Variants in TYW1B observed in about 807,000 individuals in gnomAD.
TYW1B encodes tRNA-yW synthesizing protein 1 homolog B, also known as S-adenosyl-L-methionine-dependent tRNA 4-demethylwyosine synthase TYW1B.
TYW1B carries 73 observed loss-of-function variants against 86.9 expected under a neutral mutation model. The observed-to-expected ratio is 0.84, with a 90% CI of 0.70 to 1.02. The LOEUF (loss-of-function observed/expected upper bound fraction) is 1.02, where lower values mean the gene tolerates loss of function less well. Among genes scored for constraint, TYW1B ranks in the 50% least tolerant of loss-of-function variants. The pLI, the probability that TYW1B is intolerant of heterozygous loss-of-function variation, is 0.00. For missense variants in TYW1B, 637 were observed against 827.4 expected (o/e 0.77, Z 2.82); for synonymous variants, 248 against 292.8 (o/e 0.85, Z 1.56).
At chr7:72,716,098 C>T (rs1342995018) in intron 9 of TYW1B, among the ~76,000 whole-genome samples, 5 of 152,108 alleles carry the variant, frequency 3.3e-5, no homozygotes, top group African/African-American at 4.8e-5. Flanking sequence ...CCACCATGCC[C>T]GGCTAATTTT....
chr7:72,827,217 G>C (rs1788949200), intron 1 of TYW1B, among the ~76,000 whole-genome samples: 1 of 152,098 alleles, frequency 6.6e-6, no homozygotes. Flanking sequence ...AGACCAGCCT[G>C]GCCAACATGG....
intron 5 of TYW1B, among the ~76,000 whole-genome samples, chr7:72,806,374 T>C (rs1269130043): frequency 6.6e-6 from 1 of 151,746 alleles, no homozygotes; most frequent in Non-Finnish European, 1.5e-5. Context: ...TAGCTGGGAT[T>C]ACAGGTGCCC....
chr7:72,690,841 G>A (rs34343442), intron 11 of TYW1B, among the ~76,000 whole-genome samples: 226 of 151,372 alleles, frequency 1.5e-3, no homozygotes, highest in African/African-American at 5.1e-3. Context: ...TCCGCCTCCC[G>A]GGTTGAAGCA....
chr7:72,747,327 C>A (rs2129571401), intron 7 of TYW1B, among the ~76,000 whole-genome samples: 1 of 152,048 alleles, frequency 6.6e-6, no homozygotes, highest in African/African-American at 2.4e-5. Flanking sequence ...TAAAAAGTAC[C>A]TTTTGCCTCC....
rs551443078 is a variant in TYW1B, at chr7:72,815,429, G to A, written c.188C>T (p.Ala63Val). 264 of 1,609,398 alleles carry A rather than the reference G, an allele frequency of 1.6e-4. 1 individual carries two copies. The highest frequency in any genetic ancestry group is 3.3e-4 in the Middle Eastern group (2 of 6,054). ...EAVTSLDLPVAIINLKEYDPD... is the reference protein window; with the variant it reads ...EAVTSLDLPVVIINLKEYDPD... ...ATCATATTCTTTTAGATTAATAATGGCCACAGGCAGATCCAGGGACGTAAC... is the reference window on the plus strand; with the variant it reads ...ATCATATTCTTTTAGATTAATAATGACCACAGGCAGATCCAGGGACGTAAC... Residue 63 changes from alanine (A) to valine (V), a missense_variant, in exon 3 of 14, where the codon GCC becomes GTC. By Grantham distance (64) the Ala-to-Val change is moderately conservative. Coordinates refer to ENST00000620995, the MANE Select transcript of TYW1B (RefSeq NM_001145440.3).
chr7:72,801,011 G>A (rs1312156786), intron 6 of TYW1B, among the ~76,000 whole-genome samples: 1 of 152,074 alleles, frequency 6.6e-6, no homozygotes, highest in East Asian at 1.9e-4. Context: ...TCCAACGTAG[G>A]TTTAAGACAT....
intron 11 of TYW1B, among the ~76,000 whole-genome samples, chr7:72,662,517 A>C (rs1813358331): frequency 6.6e-6 from 1 of 152,186 alleles, no homozygotes; most frequent in African/African-American, 2.4e-5. Context: ...AGCTAGAAAA[A>C]TATCACATCA....
intron 6 of TYW1B, among the ~76,000 whole-genome samples, chr7:72,781,562 A>T (rs575416638): frequency 1.3e-5 from 2 of 152,140 alleles, no homozygotes; most frequent in Admixed American, 6.6e-5. Context: ...GTGCCACAGT[A>T]TTGGCTTCTA....
intron 4 of TYW1B, among the ~76,000 whole-genome samples, chr7:72,807,589 G>C (rs562933455): frequency 6.6e-6 from 1 of 151,852 alleles, no homozygotes; most frequent in Non-Finnish European, 1.5e-5. Context: ...TAAACAAAAG[G>C]ACAAACAAAC....
At chr7:72,807,405 G>A (rs1554477037) in intron 4 of TYW1B, 49 bp from the exon 5 acceptor site, 1 of 1,577,764 alleles carries the variant, frequency 6.3e-7, no homozygotes. Flanking sequence ...CTAAATCAGG[G>A]TTTTCCAGAC....
At chr7:72,812,242 C>G (rs2129572746) in intron 3 of TYW1B, among the ~76,000 whole-genome samples, 1 of 152,096 alleles carries the variant, frequency 6.6e-6, no homozygotes, top group East Asian at 1.9e-4. Flanking sequence ...CACACATAGC[C>G]TGTAGATAAC....
intron 6 of TYW1B, among the ~76,000 whole-genome samples, chr7:72,781,824 CATGCAA>C (rs1448773294): frequency 6.6e-6 from 1 of 152,206 alleles, no homozygotes; most frequent in Non-Finnish European, 1.5e-5. Context: ...AGTGGTCTGA[CATGCAA>C]ACAGGAAAGT....
intron 11 of TYW1B, among the ~76,000 whole-genome samples, chr7:72,678,930 T>C (rs1187370657): frequency 6.6e-6 from 1 of 151,812 alleles, no homozygotes; most frequent in Non-Finnish European, 1.5e-5. Context: ...ACTCCATCTG[T>C]ACAAGTTAAA....
intron 13 of TYW1B, among the ~76,000 whole-genome samples, chr7:72,605,675 T>C (rs1266176594): frequency 2.0e-5 from 3 of 152,116 alleles, no homozygotes; most frequent in Non-Finnish European, 4.4e-5. Context: ...TCAACACTAG[T>C]ACCCTTAGAG....
intron 11 of TYW1B, among the ~76,000 whole-genome samples, chr7:72,685,537 A>T (rs1298459122): frequency 6.6e-6 from 1 of 152,258 alleles, no homozygotes; most frequent in Non-Finnish European, 1.5e-5. Flanking sequence ...TTAGCAAAAG[A>T]GAAAAAAGTA....
At chr7:72,602,346 C>T (rs1811685964) in intron 13 of TYW1B, among the ~76,000 whole-genome samples, 1 of 152,150 alleles carries the variant, frequency 6.6e-6, no homozygotes, top group South Asian at 2.1e-4. Context: ...TGGGAATTTA[C>T]AGATGAGCAA....
intron 11 of TYW1B, among the ~76,000 whole-genome samples, chr7:72,646,534 G>A (rs1460167219): frequency 1.3e-5 from 2 of 151,758 alleles, no homozygotes; most frequent in African/African-American, 4.8e-5. Flanking sequence ...ACCGCACCTG[G>A]CTAATTTTTG....
chr7:72,642,912 T>C (rs1234858765), intron 11 of TYW1B, among the ~76,000 whole-genome samples: 21 of 152,116 alleles, frequency 1.4e-4, no homozygotes, highest in Non-Finnish European at 2.6e-4. Context: ...AAAAAAAAGA[T>C]GAAGTTCTGA....
At chr7:72,580,854 T>C (rs1351197509) in intron 13 of TYW1B, among the ~76,000 whole-genome samples, 5 of 145,504 alleles carry the variant, frequency 3.4e-5, no homozygotes, top group Non-Finnish European at 7.5e-5. Flanking sequence ...GAAAACAGTA[T>C]TGGACTTTCA....
Sources: allele counts gnomAD v4.1 joint callset (sites outside exome capture counted in the v4.1 genomes callset), GRCh38; gene constraint gnomAD v4.1.1; transcripts MANE v1.5; gene names NCBI Gene and HGNC (gene_info 2026-07-23, HGNC 2026-07-21).